DIAPH1: variants seen among roughly 807,000 people sequenced by gnomAD.
DIAPH1 encodes protein diaphanous homolog 1.
Under a neutral mutation model 140.7 loss-of-function variants are expected in DIAPH1, and 46 were observed. The ratio of observed to expected loss-of-function variants is 0.33; its 90% CI spans 0.26 to 0.42. DIAPH1 has a LOEUF of 0.42. Ranked by LOEUF, DIAPH1 falls within the 10% of genes least tolerant of loss-of-function variation. DIAPH1 has a pLI of 1.00. For missense variants in DIAPH1, 1,310 were observed against 1,558.7 expected, an observed-to-expected ratio of 0.84 and a Z score of 2.69; for synonymous variants, 565 against 551.6, an observed-to-expected ratio of 1.02 and a Z score of -0.34.
rs1169744178 is a variant in DIAPH1 at position 141,583,566 on chromosome 5, T to C, written c.452A>G (p.Glu151Gly). ...CATATCCCGCAAGCCTGACCTCAAC[T>C]CCTGAATATACATCATGGCAGACTT... ...SSKSAMMYIQ[E>G]LRSGLRDMPL... Residue 151 changes from glutamate (E) to glycine (G), a missense_variant, in exon 5 of 28, where the codon GAG becomes GGG. Coordinates refer to ENST00000389054, the MANE Select transcript of DIAPH1 (RefSeq NM_005219.5). The C allele has an allele frequency of 6.2e-7, 1 of 1,614,172 alleles. No individual in the cohort carries two copies. The highest frequency in any genetic ancestry group is 1.1e-5 in the South Asian group (1 of 91,078).
chr5:141,588,984 T>A (rs1298261640), intron 1 of DIAPH1: 1 of 152,260 alleles, frequency 6.6e-6, no homozygotes. Flanking sequence ...ACTCTTGAGG[T>A]TGAATCCTTG....
In DIAPH1 at chr5:141,525,305, C is replaced by T. The variant is rs188711597; in HGVS notation, c.3574+733G>A. ...CTCTTCATTTGCAGAAGGTTTGTGG[C>T]CCCTCAGGTTTAGAGGAGGGTGGCA... is the stretch of plus-strand genomic sequence containing the variant. On this transcript the variant is annotated intron_variant, in intron 26 of 27. Coordinates refer to ENST00000389054, the MANE Select transcript of DIAPH1 (RefSeq NM_005219.5). Among the ~76,000 whole-genome samples, 33 of 152,164 alleles carry T rather than the reference C, an allele frequency of 2.2e-4. No homozygotes were observed. In the East Asian group the frequency reaches 4.8e-3, roughly 22 times the overall value.
At chr5:141,524,300 C>G in intron 26 of DIAPH1, 71 bp from the exon 27 acceptor site, 2 of 1,397,458 alleles carry the variant, frequency 1.4e-6, no homozygotes, top group Non-Finnish European at 2.0e-6. Context: ...AAGCCCCACA[C>G]AAAATGAATG....
intron 1 of DIAPH1, chr5:141,618,576 GA>G (rs1483229560): frequency 4.4e-5 from 20 of 454,984 alleles, no homozygotes; most frequent in Middle Eastern, 5.9e-4. Context: ...GGGAACGAGG[GA>G]AGCCCCGAGG....
chr5:141,572,444 G>C (rs2099895328), intron 16 of DIAPH1, among the ~76,000 whole-genome samples: 6 of 152,054 alleles, frequency 3.9e-5, no homozygotes, highest in South Asian at 4.1e-4. Flanking sequence ...GAAGAAAAAG[G>C]CTAACTCACT....
At chr5:141,561,460 T>C (rs2099893523) in intron 18 of DIAPH1, among the ~76,000 whole-genome samples, 1 of 151,970 alleles carries the variant, frequency 6.6e-6, no homozygotes, top group African/African-American at 2.4e-5. Flanking sequence ...AACTGAATGC[T>C]AGTACTTGGC....
At chr5:141,581,883 T>C (rs942845493) in intron 7 of DIAPH1, 1 of 162,508 alleles carries the variant, frequency 6.2e-6, no homozygotes, top group South Asian at 1.5e-4. Flanking sequence ...TAAAACCCCG[T>C]CTCTACTAAA....
chr5:141,577,239 C>T (rs1252181218), intron 12 of DIAPH1, among the ~76,000 whole-genome samples: 1 of 152,156 alleles, frequency 6.6e-6, no homozygotes, highest in East Asian at 1.9e-4. Flanking sequence ...TATTTACCTA[C>T]TCCCCTCCAA....
intron 3 of DIAPH1, among the ~76,000 whole-genome samples, chr5:141,584,959 G>GT (rs2099897309): frequency 6.6e-6 from 1 of 151,556 alleles, no homozygotes; most frequent in African/African-American, 2.4e-5. Context: ...ATTCCTGGTG[G>GT]GTTTTTTTTT....
chr5:141,617,528 T>C (rs1226765885), intron 1 of DIAPH1, among the ~76,000 whole-genome samples: 1 of 152,220 alleles, frequency 6.6e-6, no homozygotes, highest in East Asian at 1.9e-4. Context: ...ATCAGTTTTC[T>C]TCCCAAATTT....
intron 18 of DIAPH1, among the ~76,000 whole-genome samples, chr5:141,541,751 A>G (rs1217091763): frequency 6.6e-6 from 1 of 152,006 alleles, no homozygotes; most frequent in Non-Finnish European, 1.5e-5. Flanking sequence ...AGAAAGAGAA[A>G]TAAAGTACCA....
In DIAPH1 at chr5:141,529,121, G is replaced by A. The variant is rs745862983; in HGVS notation, c.2778+51C>T. ...TATGCCCAGGCTGCTCTCTAGAGGGGAGGGGAATACAGGAGGTGGAAAACC... is the reference window on the plus strand; with the variant it reads ...TATGCCCAGGCTGCTCTCTAGAGGGAAGGGGAATACAGGAGGTGGAAAACC... On this transcript the variant is annotated intron_variant, in intron 21 of 27. Coordinates refer to ENST00000389054, the MANE Select transcript of DIAPH1 (RefSeq NM_005219.5). 16 of 1,568,190 alleles carry A rather than the reference G, an allele frequency of 1.0e-5. No homozygotes were observed. In the South Asian group the frequency reaches 1.8e-4, roughly 17 times the overall value.
intron 3 of DIAPH1, among the ~76,000 whole-genome samples, chr5:141,586,549 G>C (rs1036226016): frequency 4.6e-5 from 7 of 152,216 alleles, no homozygotes; most frequent in African/African-American, 1.7e-4. Flanking sequence ...CATATACTTT[G>C]TTACTTAGCT....
In DIAPH1 at chr5:141,528,638, C is replaced by T. The variant is rs920298762; in HGVS notation, c.3019-56G>A. 7 of 1,614,060 alleles carry T rather than the reference C, an allele frequency of 4.3e-6. No homozygotes were observed. In the African/African-American group the frequency reaches 9.3e-5, roughly 22 times the overall value. The stretch of plus-strand genomic sequence containing the variant: ...TGACATGTCCAAGATGGCCTCCTGC[C>T]AACACTGAACTCATAGAGGCTACAG... On this transcript the variant is annotated intron_variant, in intron 22 of 27. Coordinates refer to ENST00000389054, the MANE Select transcript of DIAPH1 (RefSeq NM_005219.5).
At chr5:141,538,565 T>G (rs1293026739) in intron 18 of DIAPH1, among the ~76,000 whole-genome samples, 1 of 152,162 alleles carries the variant, frequency 6.6e-6, no homozygotes, top group African/African-American at 2.4e-5. Context: ...CCCGAGTAAC[T>G]GGGATTACGG....
intron 1 of DIAPH1, among the ~76,000 whole-genome samples, chr5:141,610,731 T>C (rs532463003): frequency 6.6e-6 from 1 of 152,004 alleles, no homozygotes; most frequent in East Asian, 1.9e-4. Context: ...ATTACAGACA[T>C]GAGCCACCGT....
chr5:141,559,209 G>A (rs1036700511), intron 18 of DIAPH1, among the ~76,000 whole-genome samples: 2 of 152,132 alleles, frequency 1.3e-5, no homozygotes, highest in Non-Finnish European at 2.9e-5. Flanking sequence ...TGCCCAAATG[G>A]AGGACTTCTG....
rs1373857096 is a variant in DIAPH1, at chr5:141,526,165, G to C, written c.3447C>G (p.Val1149=). Residue 1149 remains valine (V), a synonymous_variant, in exon 26 of 28, where the codon GTC becomes GTG. Coordinates refer to ENST00000389054, the MANE Select transcript of DIAPH1 (RefSeq NM_005219.5). ...HNFRNMFLQA[V]KENQKRRETE... is the part of the protein sequence containing the mutation. Reference sequence around the variant, plus strand: ...TCTCCCGCCGCTTCTGGTTCTCCTTGACTGCTTGCTGGGGCAGGGAAGAGG... The same window carrying C: ...TCTCCCGCCGCTTCTGGTTCTCCTTCACTGCTTGCTGGGGCAGGGAAGAGG... 1.9e-6 allele frequency: 3 copies of C among 1,613,988 alleles called. No individual in the cohort carries two copies. Among genetic ancestry groups the C allele is most frequent in the Non-Finnish European group, 2.5e-6 (3 of 1,180,022 alleles).
Position 141,570,363 on chromosome 5 carries a change from A to C in DIAPH1, c.2482+1065T>G, listed in dbSNP as rs542870840. 2.6e-5 allele frequency among the ~76,000 whole-genome samples: 4 copies of C among 152,302 alleles called. No individual in the cohort carries two copies. In the East Asian group the frequency reaches 7.7e-4, roughly 29 times the overall value. On this transcript the variant is annotated intron_variant, in intron 18 of 27. Coordinates refer to ENST00000389054, the MANE Select transcript of DIAPH1 (RefSeq NM_005219.5). Reference sequence around the variant, plus strand: ...TATGTGGTTACCATCCCAGTATTTTAATTAAGAGAGTGGAATTAATCCCTT... The same window carrying C: ...TATGTGGTTACCATCCCAGTATTTTCATTAAGAGAGTGGAATTAATCCCTT...
Sources: gnomAD v4.1 joint callset for allele counts (sites outside exome capture counted in the v4.1 genomes callset) on GRCh38, gnomAD v4.1.1 for gene constraint, MANE v1.5 for transcripts, NCBI Gene and HGNC (gene_info 2026-07-23, HGNC 2026-07-21) for gene names.